ATP7B: variants seen among roughly 807,000 people sequenced by gnomAD.
ATP7B encodes ATPase copper transporting beta, also known as copper-transporting ATPase 2.
In ATP7B, 113 loss-of-function variants were observed where a neutral mutation model predicts 118.9. The ratio of observed to expected loss-of-function variants is 0.95; its 90% confidence interval spans 0.82 to 1.11. ATP7B has a LOEUF of 1.11. Among genes scored for constraint, ATP7B ranks in the 50% most tolerant of loss-of-function variants. ATP7B has a pLI of 0.00. For missense variants in ATP7B, 1,867 were observed against 1,871.4 expected, an observed-to-expected ratio of 1.00 and a Z score of 0.04; for synonymous variants, 777 against 727.4, an observed-to-expected ratio of 1.07 and a Z score of -1.10.
Position 51,970,519 on chromosome 13 carries a change from T to C in ATP7B, c.1516A>G (p.Ile506Val). The change falls in exon 3 of 21, where the codon ATA (isoleucine) becomes GTA (valine). Residue 506 changes from isoleucine to valine, a missense_variant. Ile to Val is a conservative substitution (Grantham distance 29, BLOSUM62 3). Transcript: ENST00000242839. ...GMTCASCVSN[I>V]ERNLQKEAGV... ...GCTTCTTTCTGCAGATTCCTTTCTA[T>C]GTTAGACACACAGGATGCACAGGTC... 6.2e-7 allele frequency: 1 copy of C among 1,614,184 alleles called. No homozygotes were observed. The highest frequency in any genetic ancestry group is 8.5e-7 in the Non-Finnish European group (1 of 1,180,032).
chr13:51,995,190 A>T, intron 1 of ATP7B: 1 of 657,176 alleles, frequency 1.5e-6, no homozygotes, highest in Non-Finnish European at 1.9e-6. Context: ...CTACATTCAC[A>T]CTCTCATTCC....
chr13:51,959,094 C>G (rs117280856), intron 7 of ATP7B: 4,724 of 163,568 alleles, frequency 0.029, 110 homozygotes, highest in Non-Finnish European at 0.041. Flanking sequence ...ATCACCATAG[C>G]AACACTGGGG....
In ATP7B at chr13:51,937,187, G is replaced by C. The variant is rs1450024250; in HGVS notation, c.4021+89C>G. Reference sequence around the variant, plus strand: ...TCTAAAACGCCTCTAGCCAGCCAGTGAGTGAGCCACTCACTAACCCCAGCA... The same window carrying C: ...TCTAAAACGCCTCTAGCCAGCCAGTCAGTGAGCCACTCACTAACCCCAGCA... On this transcript the variant is annotated intron_variant, in intron 19 of 20. Coordinates refer to ENST00000242839, the MANE Select transcript of ATP7B (RefSeq NM_000053.4). The C allele has an allele frequency of 3.9e-6, 5 of 1,290,978 alleles. No individual in the cohort carries two copies. The African/African-American group carries it at 5.9e-5, about 15-fold the overall frequency. The allele number at this position is 1,290,978 out of a possible 1,614,324, so 80.0% of individuals were successfully genotyped here.
In ATP7B at chr13:51,937,348, T is replaced by C. The variant is rs780346618; in HGVS notation, c.3949A>G (p.Thr1317Ala). 1.9e-6 allele frequency: 3 copies of C among 1,614,154 alleles called. No homozygotes were observed. The highest frequency in any genetic ancestry group is 2.2e-5 in the East Asian group (1 of 44,880). The change falls in exon 19 of 21, where the codon ACT (threonine) becomes GCT (alanine). Residue 1317 changes from threonine to alanine, a missense_variant. Transcript: ENST00000242839. Reference sequence around the variant, plus strand: ...AGGTTGATGCGTATCCTTCGGACAGTCCTCTTGGAAAGGTGAATGCTAGCC... The same window carrying C: ...AGGTTGATGCGTATCCTTCGGACAGCCCTCTTGGAAAGGTGAATGCTAGCC... ...VVASIHLSKR[T>A]VRRIRINLVL...
chr13:51,954,771 T>C (rs1958230354), intron 9 of ATP7B, among the ~76,000 whole-genome samples: 1 of 152,092 alleles, frequency 6.6e-6, no homozygotes, highest in Non-Finnish European at 1.5e-5. Context: ...AGTCTGAGCC[T>C]TTACCAGTCA....
chr13:51,958,530 C>T lies in ATP7B; in HGVS notation c.2136G>A (p.Trp712Ter), dbSNP rs1462815352. The T allele has an allele frequency of 6.2e-7, 1 of 1,614,122 alleles. No individual in the cohort carries two copies. Among genetic ancestry groups the T allele is most frequent in the Admixed American group, 1.7e-5 (1 of 60,022 alleles). The stretch of plus-strand genomic sequence containing the variant: ...ATTTGTAGGCCTGAACGTAGAAGTA[C>T]CACCCACCGAGGAGCTGAAAGACAA... Reference protein sequence around the residue: ...LCTFVQLLGGWYFYVQAYKSL... With the variant: ...LCTFVQLLGG The change falls in exon 8 of 21, where the codon TGG becomes TGA. Residue 712 changes from tryptophan (W) to a stop codon, truncating the protein, a stop_gained. Transcript: ENST00000242839. LOFTEE classifies it high-confidence loss of function.
At chr13:52,000,725 A>G (rs1405767940) in intron 1 of ATP7B, among the ~76,000 whole-genome samples, 2 of 152,176 alleles carry the variant, frequency 1.3e-5, no homozygotes, top group Non-Finnish European at 2.9e-5. Context: ...TCCCTCTTTG[A>G]TAAGAATAAT....
chr13:51,982,031 C>CA (rs1012087079), intron 1 of ATP7B, among the ~76,000 whole-genome samples: 51 of 141,526 alleles, frequency 3.6e-4, no homozygotes, highest in African/African-American at 1.2e-3. Context: ...TTTAGCTCAT[C>CA]ATCTATTATT....
chr13:51,960,074 C>T (rs138346933), intron 7 of ATP7B, 74 bp downstream of exon 7: 47 of 1,540,404 alleles, frequency 3.1e-5, no homozygotes, highest in African/African-American at 1.8e-4. Flanking sequence ...ACTATGTTTG[C>T]GCTTAGCGGG....
At chr13:51,960,469 C>T (rs1958660134) in intron 6 of ATP7B, 147 bp from the exon 7 acceptor site, 1 of 937,708 alleles carries the variant, frequency 1.1e-6, no homozygotes, top group Non-Finnish European at 1.6e-6. Flanking sequence ...AAAGTAAGAA[C>T]TCTCTCTCTC....
At chr13:51,960,439 G>A (rs369440874) in intron 6 of ATP7B, 117 bp from the exon 7 acceptor site, 1 of 1,254,402 alleles carries the variant, frequency 8.0e-7, no homozygotes, top group South Asian at 1.3e-5. Context: ...GTCTGGGACA[G>A]ACCACCAGGG....
Position 51,937,378 on chromosome 13 carries a change from C to A in ATP7B, c.3919G>T (p.Val1307Leu). ...VVLIRNDLLD[V>L]VASIHLSKRT... ...TTGGAAAGGTGAATGCTAGCCACCA[C>A]ATCCAGCAAATCATTCTGATGGAGA... Residue 1307 changes from valine to leucine, a missense_variant, in exon 19 of 21, where the codon GTG becomes TTG. Physicochemically the swap from Val to Leu is conservative, Grantham distance 32. Transcript: ENST00000242839. 1.2e-6 allele frequency: 2 copies of A among 1,614,238 alleles called. No individual in the cohort carries two copies. Among genetic ancestry groups the A allele is most frequent in the Non-Finnish European group, 1.7e-6 (2 of 1,180,042 alleles).
chr13:52,010,346 C>G (rs1953963134), intron 1 of ATP7B, among the ~76,000 whole-genome samples: 11 of 152,194 alleles, frequency 7.2e-5, no homozygotes, highest in Admixed American at 7.2e-4. Context: ...AAGAAACAGC[C>G]TACTGTTCTG....
At chr13:51,949,930 T>C in intron 11 of ATP7B, 77 bp downstream of exon 11, 1 of 1,612,028 alleles carries the variant, frequency 6.2e-7, no homozygotes, top group South Asian at 1.1e-5. Flanking sequence ...TCAATAAAAC[T>C]GTCTGATTTC....
chr13:51,988,656 C>G (rs1952771822), intron 1 of ATP7B, among the ~76,000 whole-genome samples: 1 of 152,068 alleles, frequency 6.6e-6, no homozygotes, highest in Non-Finnish European at 1.5e-5. Flanking sequence ...GGAACCAACC[C>G]AAATGCCCAT....
chr13:52,008,714 T>A (rs1045032814), intron 1 of ATP7B, among the ~76,000 whole-genome samples: 1 of 152,220 alleles, frequency 6.6e-6, no homozygotes, highest in Non-Finnish European at 1.5e-5. Flanking sequence ...TCTCACACTT[T>A]ATGGTTTCTC....
intron 9 of ATP7B, 115 bp from the exon 10 acceptor site, chr13:51,950,514 C>A: frequency 6.9e-7 from 1 of 1,440,970 alleles, no homozygotes; most frequent in Non-Finnish European, 9.6e-7. Context: ...CAACAGTATT[C>A]ATTTGATCTG....
intron 1 of ATP7B, among the ~76,000 whole-genome samples, chr13:52,008,302 TGCACTCCAGCCTA>T (rs1424819349): frequency 2.6e-5 from 4 of 152,194 alleles, no homozygotes; most frequent in Admixed American, 6.5e-5. Context: ...ATCCCGCCAC[TGCACTCCAGCCTA>T]GCAACAGAGT....
intron 1 of ATP7B, among the ~76,000 whole-genome samples, chr13:51,983,414 G>A (rs922695493): frequency 2.0e-5 from 3 of 152,186 alleles, no homozygotes; most frequent in Non-Finnish European, 2.9e-5. Context: ...AGCAGCCCCA[G>A]TCAGGGGCTT....
Sources: gnomAD v4.1 joint callset for allele counts (sites outside exome capture counted in the v4.1 genomes callset) on GRCh38, gnomAD v4.1.1 for gene constraint, MANE v1.5 for transcripts, NCBI Gene and HGNC (gene_info 2026-07-23, HGNC 2026-07-21) for gene names.